The following CEP83 variants were observed in gnomAD, a reference collection of about 807,000 sequenced individuals.
CEP83 encodes centrosomal protein of 83 kDa.
In CEP83, 70 loss-of-function variants were observed where a neutral mutation model predicts 101.9. That is an observed-to-expected ratio of 0.69 (90% CI 0.57 to 0.84). The LOEUF (loss-of-function observed/expected upper bound fraction) is 0.84, where lower values mean the gene tolerates loss of function less well. Among genes scored for constraint, CEP83 ranks in the 40% least tolerant of loss-of-function variants. The probability of loss-of-function intolerance (pLI) is 0.00; values close to 1 mark genes in which losing one functional copy is unlikely to be tolerated. For synonymous variants in CEP83, 264 were observed against 267.9 expected (o/e 0.99, Z 0.14); for missense variants, 715 against 787.2 (o/e 0.91, Z 1.10).
chr12:94,427,492 T>G (rs888103138), intron 2 of CEP83, among the ~76,000 whole-genome samples: 5 of 152,236 alleles, frequency 3.3e-5, no homozygotes, highest in Non-Finnish European at 5.9e-5. Context: ...CCACTTCTTT[T>G]GACTAGTCCC....
intron 13 of CEP83, 122 bp downstream of exon 13, chr12:94,333,360 A>G: frequency 1.3e-6 from 1 of 757,204 alleles, no homozygotes; most frequent in Non-Finnish European, 2.1e-6. Flanking sequence ...ACCATTGTAC[A>G]CTATTAAAGT....
At chr12:94,325,155 T>C (rs1425321062) in intron 14 of CEP83, among the ~76,000 whole-genome samples, 2 of 151,318 alleles carry the variant, frequency 1.3e-5, no homozygotes, top group African/African-American at 4.9e-5. Context: ...CAGCACCCCC[T>C]ACTCCTGTCA....
chr12:94,364,388 T>A (rs906693860), intron 11 of CEP83, among the ~76,000 whole-genome samples: 1 of 152,142 alleles, frequency 6.6e-6, no homozygotes, highest in African/African-American at 2.4e-5. Flanking sequence ...AACAAACATA[T>A]AATTATAGCT....
the CEP83 span, among the ~76,000 whole-genome samples, chr12:94,283,689 A>T: frequency 6.6e-6 from 1 of 152,184 alleles, no homozygotes; most frequent in African/African-American, 2.4e-5. Context: ...AATCATAGGA[A>T]GTCAAAGCTG....
At chr12:94,311,247 C>T (rs1969820087) in intron 15 of CEP83, among the ~76,000 whole-genome samples, 1 of 152,198 alleles carries the variant, frequency 6.6e-6, no homozygotes, top group African/African-American at 2.4e-5. Context: ...CACCCCCTTC[C>T]TCATAACTTT....
At chr12:94,315,656 T>A (rs1406697962) in intron 14 of CEP83, among the ~76,000 whole-genome samples, 1 of 152,076 alleles carries the variant, frequency 6.6e-6, no homozygotes, top group African/African-American at 2.4e-5. Context: ...TATCCCAAGA[T>A]CCTAAAATTT....
intron 2 of CEP83, chr12:94,424,031 A>T: frequency 1.2e-6 from 2 of 1,612,662 alleles, no homozygotes; most frequent in Non-Finnish European, 1.7e-6. Flanking sequence ...AGGCTGCATG[A>T]GGTATGAATG....
chr12:94,371,104 T>C (rs2061283109), intron 8 of CEP83, among the ~76,000 whole-genome samples: 1 of 152,220 alleles, frequency 6.6e-6, no homozygotes, highest in African/African-American at 2.4e-5. Context: ...TGGTCTGCTC[T>C]TAAAACAAGC....
In CEP83 at chr12:94,340,180, C is replaced by A. The variant is rs190734456; in HGVS notation, c.1344-4516G>T. Reference sequence around the variant, plus strand: ...GGGAAATAAGAGCCCTGGCTTTAAGCCATGCAAAAAATAAATTAAGGGGGT... The same window carrying A: ...GGGAAATAAGAGCCCTGGCTTTAAGACATGCAAAAAATAAATTAAGGGGGT... On this transcript the variant is annotated intron_variant, in intron 11 of 16. Coordinates refer to ENST00000397809, the MANE Select transcript of CEP83 (RefSeq NM_016122.3). Among the ~76,000 whole-genome samples, 50 of 152,296 alleles carry A rather than the reference C, an allele frequency of 3.3e-4. No individual in the cohort carries two copies. In the East Asian group the frequency reaches 6.7e-3, roughly 21 times the overall value.
At chr12:94,395,109 T>A (rs959921078) in intron 6 of CEP83, among the ~76,000 whole-genome samples, 1 of 152,026 alleles carries the variant, frequency 6.6e-6, no homozygotes, top group East Asian at 1.9e-4. Context: ...GATCCAGCAA[T>A]CCCATTATTG....
intron 2 of CEP83, chr12:94,423,799 A>C: frequency 6.2e-7 from 1 of 1,613,750 alleles, no homozygotes; most frequent in Non-Finnish European, 8.5e-7. Context: ...GTCCACTGCC[A>C]CTTGGTTCTG....
At chr12:94,401,801 T>C (rs1027217788) in intron 5 of CEP83, among the ~76,000 whole-genome samples, 1 of 152,222 alleles carries the variant, frequency 6.6e-6, no homozygotes, top group African/African-American at 2.4e-5. Flanking sequence ...TGGTCACTTA[T>C]CTTGGGTCTG....
chr12:94,429,573 C>T (rs2065465021), intron 2 of CEP83, among the ~76,000 whole-genome samples: 1 of 152,194 alleles, frequency 6.6e-6, no homozygotes, highest in South Asian at 2.1e-4. Flanking sequence ...ACAGCTACCA[C>T]CATGCCTGGT....
At chr12:94,277,873 CG>C in the CEP83 span, 1 of 450,680 alleles carries the variant, frequency 2.2e-6, no homozygotes, top group East Asian at 7.0e-5. Context: ...GCTAGAAGGC[CG>C]GTACTGTTAT....
intron 2 of CEP83, chr12:94,424,915 T>C: frequency 6.3e-7 from 1 of 1,599,972 alleles, no homozygotes; most frequent in Non-Finnish European, 8.6e-7. Flanking sequence ...TCTTGTTGTT[T>C]CTATTGTAGC....
intron 11 of CEP83, among the ~76,000 whole-genome samples, chr12:94,354,480 T>A (rs1002983806): frequency 2.0e-5 from 3 of 152,084 alleles, no homozygotes; most frequent in African/African-American, 4.8e-5. Context: ...GCCACCATGC[T>A]TGGCCAGAAT....
the CEP83 span, among the ~76,000 whole-genome samples, chr12:94,296,894 G>A: frequency 6.6e-6 from 1 of 152,152 alleles, no homozygotes; most frequent in Non-Finnish European, 1.5e-5. Context: ...CACATAGGAG[G>A]TGTTCTAGGT....
the CEP83 span, among the ~76,000 whole-genome samples, chr12:94,278,790 C>G: frequency 6.6e-6 from 1 of 152,032 alleles, no homozygotes; most frequent in African/African-American, 2.4e-5. Flanking sequence ...AAGGTCAGGA[C>G]TTTGAGACCA....
the CEP83 span, chr12:94,301,067 A>T: frequency 6.2e-7 from 1 of 1,613,056 alleles, no homozygotes; most frequent in Admixed American, 1.7e-5. Flanking sequence ...GGTAAGGCCC[A>T]GCTTGAGTAT....
Sources: gnomAD v4.1 joint callset for allele counts (sites outside exome capture counted in the v4.1 genomes callset) on GRCh38, gnomAD v4.1.1 for gene constraint, MANE v1.5 for transcripts, NCBI Gene and HGNC (gene_info 2026-07-23, HGNC 2026-07-21) for gene names.